The following SPAG17 variants were observed in gnomAD, a reference collection of about 807,000 sequenced individuals.
SPAG17 encodes sperm associated antigen 17.
SPAG17 carries 169 observed loss-of-function variants against 273.6 expected under a neutral mutation model. That is an observed-to-expected ratio of 0.62 (90% CI 0.55 to 0.70). The LOEUF is 0.70. Among genes scored for constraint, SPAG17 ranks in the 30% least tolerant of loss-of-function variants. The pLI is 0.00. For missense variants in SPAG17, 2,557 were observed against 2,627.8 expected (o/e 0.97, Z 0.59); for synonymous variants, 825 against 873.2 (o/e 0.94, Z 0.97).
At chr1:118,109,542 G>T (rs1172933181) in intron 4 of SPAG17, among the ~76,000 whole-genome samples, 2 of 137,176 alleles carry the variant, frequency 1.5e-5, no homozygotes, top group African/African-American at 5.3e-5. Flanking sequence ...GCAACAGAGT[G>T]AAACTCTGTC....
rs1472304212 is a variant in SPAG17 at position 118,086,761 on chromosome 1, A to G, written c.1521T>C (p.Ser507=). ...EKKNLHDIFL[S]EEENESKAVP... ...CTGCTTTGCTTTCATTTTCTTCTTC[A>G]GATAAAAATATGTCATGAAGATTCT... Residue 507 remains serine (S), a synonymous_variant, in exon 12 of 49, where the codon TCT becomes TCC. Transcript: ENST00000336338. The G allele has an allele frequency of 6.2e-7, 1 of 1,614,164 alleles. No individual in the cohort carries two copies. The highest frequency in any genetic ancestry group is 1.7e-5 in the Admixed American group (1 of 60,018).
intron 25 of SPAG17, among the ~76,000 whole-genome samples, chr1:118,030,475 T>C (rs1362060221): frequency 6.6e-6 from 1 of 152,124 alleles, no homozygotes; most frequent in African/African-American, 2.4e-5. Flanking sequence ...TGCAGGTTTG[T>C]TACATAGGTA....
intron 28 of SPAG17, 44 bp from the exon 29 acceptor site, chr1:118,016,226 G>C: frequency 1.4e-6 from 2 of 1,446,280 alleles, no homozygotes; most frequent in Non-Finnish European, 1.9e-6. Context: ...TATAACTATA[G>C]TATCAATTAT....
chr1:118,059,886 C>T (rs964090314), intron 18 of SPAG17, among the ~76,000 whole-genome samples: 1 of 151,916 alleles, frequency 6.6e-6, no homozygotes, highest in African/African-American at 2.4e-5. Flanking sequence ...TTTTATTATC[C>T]GTTAGTCCAC....
chr1:118,012,130 T>C (rs1013392083), intron 30 of SPAG17, 98 bp downstream of exon 30: 46 of 1,228,890 alleles, frequency 3.7e-5, no homozygotes, highest in Non-Finnish European at 5.0e-5. Context: ...CAAAAAATTA[T>C]TTTTCTTATG....
intron 47 of SPAG17, chr1:117,965,179 A>C (rs1557841294): frequency 6.6e-6 from 1 of 152,172 alleles, no homozygotes; most frequent in Non-Finnish European, 1.5e-5. Context: ...ATCCCAACCA[A>C]ATTTAACACT....
At chr1:117,967,950 A>T (rs2101467771) in intron 46 of SPAG17, among the ~76,000 whole-genome samples, 1 of 152,370 alleles carries the variant, frequency 6.6e-6, no homozygotes, top group Non-Finnish European at 1.5e-5. Flanking sequence ...AGAATTGGAA[A>T]ATGTTTCACA....
At chr1:118,091,545 AGAAGC>A in intron 10 of SPAG17, 56 bp downstream of exon 10, 1 of 873,424 alleles carries the variant, frequency 1.1e-6, no homozygotes, top group Non-Finnish European at 1.9e-6. Context: ...TAAAAATAAC[AGAAGC>A]CAGGAAAGAT....
chr1:118,043,621 T>C (rs1348315506), intron 20 of SPAG17, among the ~76,000 whole-genome samples: 1 of 152,200 alleles, frequency 6.6e-6, no homozygotes, highest in African/African-American at 2.4e-5. Flanking sequence ...TGTTGTCACA[T>C]GGTAGCTTCA....
At chr1:117,995,271 T>C (rs751011408) in intron 34 of SPAG17, among the ~76,000 whole-genome samples, 1 of 152,134 alleles carries the variant, frequency 6.6e-6, no homozygotes, top group Non-Finnish European at 1.5e-5. Context: ...TAGAACTATG[T>C]TCTTTCCCCT....
chr1:118,041,732 T>A, intron 21 of SPAG17, 71 bp downstream of exon 21: 5 of 1,543,152 alleles, frequency 3.2e-6, no homozygotes, highest in Non-Finnish European at 4.3e-6. Flanking sequence ...AAGAATCTTA[T>A]AATAACCGTA....
intron 46 of SPAG17, among the ~76,000 whole-genome samples, chr1:117,966,962 G>A (rs1474942055): frequency 6.6e-6 from 1 of 152,130 alleles, no homozygotes; most frequent in African/African-American, 2.4e-5. Flanking sequence ...GGGAGCCAGG[G>A]TAAATTGTTG....
chr1:118,093,303 A>G lies in SPAG17; in HGVS notation c.1026T>C (p.Thr342=). The G allele has an allele frequency of 1.9e-6, 3 of 1,609,114 alleles. No individual in the cohort carries two copies. Among genetic ancestry groups the G allele is most frequent in the Non-Finnish European group, 2.5e-6 (3 of 1,177,420 alleles). The change falls in exon 8 of 49, where the codon ACT becomes ACC. Residue 342 remains threonine, a synonymous_variant. Transcript: ENST00000336338. The part of the protein sequence containing the change: ...SDGEMMLKLG[T]DIFENIACLM... ...AGCAGGCAATATTTTCAAAAATATC[A>G]GTGCCCAATTTCAGCTACAAGTGAG... is the stretch of plus-strand genomic sequence containing the variant.
intron 32 of SPAG17, 65 bp from the exon 33 acceptor site, chr1:117,996,808 T>C: frequency 1.4e-6 from 2 of 1,467,592 alleles, no homozygotes; most frequent in East Asian, 4.6e-5. Context: ...CTTCTGCTGA[T>C]TCAATTTGAG....
intron 18 of SPAG17, among the ~76,000 whole-genome samples, chr1:118,056,432 A>T (rs1320605186): frequency 6.6e-6 from 1 of 152,194 alleles, no homozygotes; most frequent in Non-Finnish European, 1.5e-5. Context: ...CATCTTAAAT[A>T]CTATTCTCTA....
intron 1 of SPAG17, among the ~76,000 whole-genome samples, chr1:118,179,678 T>C (rs1007521460): frequency 6.6e-6 from 1 of 151,968 alleles, no homozygotes; most frequent in South Asian, 2.1e-4. Flanking sequence ...GAGAAGATAT[T>C]TGCAAATTAT....
At chr1:118,022,109 G>C (rs1218203537) in intron 28 of SPAG17, among the ~76,000 whole-genome samples, 1 of 152,048 alleles carries the variant, frequency 6.6e-6, no homozygotes, top group Non-Finnish European at 1.5e-5. Context: ...ATTGAGAAAA[G>C]TTTGTAAGGC....
chr1:118,105,833 C>T (rs550122715), intron 4 of SPAG17, among the ~76,000 whole-genome samples: 20 of 141,774 alleles, frequency 1.4e-4, no homozygotes, highest in African/African-American at 5.2e-4. Flanking sequence ...GAGCATTACT[C>T]AGTAATAAAA....
chr1:118,139,938 G>T (rs1164542231), intron 3 of SPAG17, among the ~76,000 whole-genome samples: 2 of 152,000 alleles, frequency 1.3e-5, no homozygotes, highest in East Asian at 3.9e-4. Flanking sequence ...TGGATTACTG[G>T]GTTAATAGAT....
Sources: gnomAD v4.1 joint callset for allele counts (sites outside exome capture counted in the v4.1 genomes callset) on GRCh38, gnomAD v4.1.1 for gene constraint, MANE v1.5 for transcripts, NCBI Gene and HGNC (gene_info 2026-07-23, HGNC 2026-07-21) for gene names.